Variants in YLPM1 observed in about 807,000 individuals in gnomAD.
YLPM1 encodes the protein YLP motif-containing protein 1.
Under a neutral mutation model 230.0 loss-of-function variants are expected in YLPM1, and 99 were observed. The ratio of observed to expected loss-of-function variants is 0.43; its 90% CI spans 0.37 to 0.51. YLPM1 has a LOEUF of 0.51. Among genes scored for constraint, YLPM1 ranks in the 20% least tolerant of loss-of-function variants. The probability of loss-of-function intolerance (pLI) is 0.00; values close to 1 mark genes in which losing one functional copy is unlikely to be tolerated. For missense variants in YLPM1, 2,592 were observed against 2,707.7 expected, an observed-to-expected ratio of 0.96 and a Z score of 0.95; for synonymous variants, 984 against 942.5, an observed-to-expected ratio of 1.04 and a Z score of -0.81.
At chr14:74,766,010 T>C (rs2090907995) in intron 1 of YLPM1, among the ~76,000 whole-genome samples, 1 of 152,234 alleles carries the variant, frequency 6.6e-6, no homozygotes, top group Non-Finnish European at 1.5e-5. Context: ...AGAGTTGTAT[T>C]GCTTTCAAGG....
In YLPM1 at chr14:74,819,476, T is replaced by C. The variant is rs1480554828; in HGVS notation, c.6030+1162T>C. Reference sequence around the variant, plus strand: ...TTTTAGTAGAGATGGAGTTTCACCATGTTGGCCAGGCTGGTCTTGAACTCC... The same window carrying C: ...TTTTAGTAGAGATGGAGTTTCACCACGTTGGCCAGGCTGGTCTTGAACTCC... On this transcript the variant is annotated intron_variant, in intron 16 of 20. Coordinates refer to ENST00000325680, the MANE Select transcript of YLPM1 (RefSeq NM_019589.3). 2.6e-5 allele frequency among the ~76,000 whole-genome samples: 4 copies of C among 152,126 alleles called. No individual in the cohort carries two copies. In the South Asian group the frequency reaches 8.3e-4, roughly 32 times the overall value.
intron 19 of YLPM1, among the ~76,000 whole-genome samples, chr14:74,832,947 T>G (rs1001041859): frequency 3.4e-5 from 5 of 148,254 alleles, no homozygotes; most frequent in Admixed American, 2.6e-4. Context: ...TATTTAACTA[T>G]GTGCTGAGGT....
chr14:74,768,029 A>G (rs972599031), intron 1 of YLPM1, among the ~76,000 whole-genome samples: 11 of 152,144 alleles, frequency 7.2e-5, no homozygotes, highest in African/African-American at 2.4e-4. Context: ...GACCTTGCCT[A>G]AGTAAATTAT....
Position 74,797,913 on chromosome 14 carries a change from C to G in YLPM1, c.2616C>G (p.Asn872Lys), listed in dbSNP as rs1566751141. ...AACCATTAGCAGACACCAGTAGTAACCAGCAGAAGAATTTTAAAATGCAAT... is the reference window on the plus strand; with the variant it reads ...AACCATTAGCAGACACCAGTAGTAAGCAGCAGAAGAATTTTAAAATGCAAT... ...NKEPLADTSS[N>K]QQKNFKMQSA... is the part of the protein sequence containing the mutation. The change falls in exon 5 of 21, where the codon AAC becomes AAG. Residue 872 changes from asparagine (N) to lysine (K), a missense_variant. By Grantham distance (94) the Asn-to-Lys change is moderately conservative. Coordinates refer to ENST00000325680, the MANE Select transcript of YLPM1 (RefSeq NM_019589.3). 6.2e-7 allele frequency: 1 copy of G among 1,613,962 alleles called. No individual in the cohort carries two copies. Among genetic ancestry groups the G allele is most frequent in the Non-Finnish European group, 8.5e-7 (1 of 1,179,886 alleles).
intron 11 of YLPM1, among the ~76,000 whole-genome samples, chr14:74,815,423 G>A (rs1051651626): frequency 3.3e-5 from 5 of 152,102 alleles, no homozygotes; most frequent in East Asian, 1.9e-4. Context: ...TTAGGCGGGC[G>A]TGGTGGCAGG....
At chr14:74,780,311 G>A in intron 2 of YLPM1, 94 bp from the exon 3 acceptor site, 1 of 1,441,532 alleles carries the variant, frequency 6.9e-7, no homozygotes, top group South Asian at 1.5e-5. Flanking sequence ...ATATTTCTGA[G>A]TTGTAGGGAT....
intron 1 of YLPM1, among the ~76,000 whole-genome samples, chr14:74,771,996 C>T (rs1200393363): frequency 6.6e-6 from 1 of 152,158 alleles, no homozygotes; most frequent in African/African-American, 2.4e-5. Flanking sequence ...GGTGTCCTCC[C>T]TGCCCCCTGC....
chr14:74,808,532 G>T (rs1292558883), intron 6 of YLPM1, among the ~76,000 whole-genome samples: 3 of 152,112 alleles, frequency 2.0e-5, no homozygotes, highest in African/African-American at 7.2e-5. Context: ...GCCGGGTGCG[G>T]TGGCTCATGC....
chr14:74,793,003 T>C (rs1288043437), intron 4 of YLPM1, among the ~76,000 whole-genome samples: 1 of 152,244 alleles, frequency 6.6e-6, no homozygotes, highest in Non-Finnish European at 1.5e-5. Flanking sequence ...TAATTATTCC[T>C]CAAGGTTTTA....
At chr14:74,765,442 C>G (rs1048129769) in intron 1 of YLPM1, among the ~76,000 whole-genome samples, 2 of 152,160 alleles carry the variant, frequency 1.3e-5, no homozygotes, top group Admixed American at 1.3e-4. Context: ...AGAAATGATG[C>G]TTGGCACATC....
In YLPM1 at chr14:74,802,631, G is replaced by A. The variant is rs376585764; in HGVS notation, c.4476G>A (p.Gln1492=). The stretch of plus-strand genomic sequence containing the variant: ...AGATGGCTGACCATCTACCACCTCA[G>A]GAATCAAGATTGCAGAATACATCTT... ...EPQMADHLPP[Q]ESRLQNTSSR... The change falls in exon 6 of 21, where the codon CAG becomes CAA. Residue 1492 remains glutamine, a synonymous_variant. Coordinates refer to ENST00000325680, the MANE Select transcript of YLPM1 (RefSeq NM_019589.3). 86 of 1,613,324 alleles carry A rather than the reference G, an allele frequency of 5.3e-5. No individual in the cohort carries two copies. Among genetic ancestry groups the A allele is most frequent in the Non-Finnish European group, 7.1e-5 (84 of 1,179,690 alleles).
chr14:74,829,679 A>T (rs2091593193), intron 19 of YLPM1, among the ~76,000 whole-genome samples: 1 of 152,064 alleles, frequency 6.6e-6, no homozygotes, highest in Non-Finnish European at 1.5e-5. Flanking sequence ...TTCTTAATGG[A>T]TGGGATGTGG....
At chr14:74,815,942 G>C (rs2091474587) in intron 11 of YLPM1, among the ~76,000 whole-genome samples, 1 of 151,678 alleles carries the variant, frequency 6.6e-6, no homozygotes, top group Non-Finnish European at 1.5e-5. Flanking sequence ...TGATTCATTG[G>C]TTATTTAGGA....
chr14:74,831,861 G>A (rs907514032), intron 19 of YLPM1, among the ~76,000 whole-genome samples: 1 of 152,172 alleles, frequency 6.6e-6, no homozygotes, highest in South Asian at 2.1e-4. Context: ...TAACAAAAAC[G>A]TGGTTCTGTA....
intron 3 of YLPM1, among the ~76,000 whole-genome samples, chr14:74,780,934 A>G (rs1386273147): frequency 6.6e-6 from 1 of 152,112 alleles, no homozygotes; most frequent in Non-Finnish European, 1.5e-5. Flanking sequence ...ATCACAAAAA[A>G]CCTAAGCAAA....
In YLPM1 at chr14:74,811,668, G is replaced by C; in HGVS notation, c.5277G>C (p.Gly1759=). ...DKKDHSSSRR[G]GFDRPSYDRK... Reference sequence around the variant, plus strand: ...AAGACCATTCCTCATCCAGAAGAGGGGGTTTTGATAGGCCATCCTATGACC... The same window carrying C: ...AAGACCATTCCTCATCCAGAAGAGGCGGTTTTGATAGGCCATCCTATGACC... Residue 1759 remains glycine, a synonymous_variant, in exon 10 of 21, where the codon GGG becomes GGC. Transcript: ENST00000325680. 2 of 1,612,858 alleles carry C rather than the reference G, an allele frequency of 1.2e-6. No homozygotes were observed. The highest frequency in any genetic ancestry group is 1.1e-5 in the South Asian group (1 of 90,898).
intron 1 of YLPM1, among the ~76,000 whole-genome samples, chr14:74,768,543 G>C (rs556770796): frequency 1.3e-5 from 2 of 152,132 alleles, no homozygotes; most frequent in Non-Finnish European, 2.9e-5. Context: ...CACTGCGCCC[G>C]GTCGGAATGT....
At chr14:74,789,408 G>T (rs553557022) in intron 4 of YLPM1, among the ~76,000 whole-genome samples, 8 of 151,886 alleles carry the variant, frequency 5.3e-5, no homozygotes, top group African/African-American at 1.9e-4. Flanking sequence ...GTACAGATGG[G>T]GTTTCACTGT....
At chr14:74,823,120 A>G (rs2091535497) in intron 17 of YLPM1, among the ~76,000 whole-genome samples, 1 of 152,096 alleles carries the variant, frequency 6.6e-6, no homozygotes, top group Non-Finnish European at 1.5e-5. Context: ...TGGCTGGTAG[A>G]CTAGAAATGT....
Sources: gnomAD v4.1 joint callset for allele counts (sites outside exome capture counted in the v4.1 genomes callset) on GRCh38, gnomAD v4.1.1 for gene constraint, MANE v1.5 for transcripts, NCBI Gene and HGNC (gene_info 2026-07-23, HGNC 2026-07-21) for gene names.